The following ATP8B3 variants were observed in gnomAD, a reference collection of about 807,000 sequenced individuals.
ATP8B3 encodes ATPase phospholipid transporting 8B3.
A neutral mutation model predicts 140.9 loss-of-function variants in ATP8B3; 141 were observed. The observed-to-expected ratio is 1.00, with a 90% CI of 0.87 to 1.15. The LOEUF is 1.15. Ranked by LOEUF, ATP8B3 falls within the 50% of genes most tolerant of loss-of-function variation. ATP8B3 has a pLI of 0.00. For synonymous variants in ATP8B3, 765 were observed against 714.6 expected (o/e 1.07, Z -1.13); for missense variants, 1,874 against 1,740.6 (o/e 1.08, Z -1.36).
In ATP8B3 at chr19:1,808,243, G is replaced by A; in HGVS notation, c.495C>T (p.Phe165=). The A allele has an allele frequency of 1.9e-6, 3 of 1,612,426 alleles. No individual in the cohort carries two copies. The highest frequency in any genetic ancestry group is 2.5e-6 in the Non-Finnish European group (3 of 1,179,136). ...EQFHRVSNLF[F]LIIIILQSIP... ...TCACCTGCAGGATGATGATGATGAG[G>A]AAGAACAGGTTGGACACGCGGTGGA... The change falls in exon 5 of 29, where the codon TTC becomes TTT. Residue 165 remains phenylalanine, a synonymous_variant. Transcript: ENST00000310127.
chr19:1,809,559 G>C, intron 4 of ATP8B3, 84 bp downstream of exon 4: 4 of 1,135,904 alleles, frequency 3.5e-6, no homozygotes, highest in Non-Finnish European at 3.9e-6. Context: ...GCAGAGGCAG[G>C]ACTCAGGAGG....
chr19:1,790,048 G>T, intron 21 of ATP8B3, 59 bp from the exon 22 acceptor site: 1 of 1,349,532 alleles, frequency 7.4e-7, no homozygotes, highest in African/African-American at 1.5e-5. Flanking sequence ...CCACTTCCCC[G>T]GGGGCTCCAC....
chr19:1,802,602 G>A lies in ATP8B3; in HGVS notation c.948C>T (p.Phe316=), dbSNP rs1216398524. ...TGTCATTCCATTCCAGGCACCCCACGAAGTGGTGCATCCGACTGTTAGGCG... is the reference window on the plus strand; with the variant it reads ...TGTCATTCCATTCCAGGCACCCCACAAAGTGGTGCATCCGACTGTTAGGCG... ...CEAPNSRMHH[F]VGCLEWNDKK... is the part of the protein sequence containing the mutation. Residue 316 remains phenylalanine, a synonymous_variant, in exon 11 of 29, where the codon TTC becomes TTT. Transcript: ENST00000310127. The A allele has an allele frequency of 1.6e-5, 26 of 1,611,764 alleles. No individual in the cohort carries two copies. The highest frequency in any genetic ancestry group is 6.7e-5 in the African/African-American group (5 of 74,768).
rs1395872457 is a variant in ATP8B3 at position 1,794,502 on chromosome 19, G to T, written c.2055+1373C>A. 1.3e-5 allele frequency among the ~76,000 whole-genome samples: 2 copies of T among 151,808 alleles called. No homozygotes were observed. Among genetic ancestry groups the T allele is most frequent in the Admixed American group, 1.3e-4 (2 of 15,254 alleles). On this transcript the variant is annotated intron_variant, in intron 18 of 28. Transcript: ENST00000310127. This position sits in a 1 kb window ranked among gnomAD's most constrained non-coding sequence, Gnocchi z 4.8. ...GGGGCCCCAGCAGAACCTGTGAGGA[G>T]CCCCCAGGCTGGACGCAGAATCCTC...
chr19:1,790,629 C>G, intron 21 of ATP8B3, 128 bp downstream of exon 21: 27 of 347,350 alleles, frequency 7.8e-5, no homozygotes, highest in East Asian at 3.5e-4. Flanking sequence ...TCCTACCCTT[C>G]CCTCCCCTCT....
chr19:1,809,577 A>G, intron 4 of ATP8B3, 66 bp downstream of exon 4: 2 of 1,435,032 alleles, frequency 1.4e-6, no homozygotes, highest in Non-Finnish European at 1.9e-6. Flanking sequence ...AGGAGCAAAA[A>G]ATAGATTCCC....
In ATP8B3 at chr19:1,789,526, G is replaced by A; in HGVS notation, c.2680C>T (p.Leu894=). ...DSRARRSSEV[L]QERAFVDLAS... is the part of the protein sequence containing the mutation. ...AGGTCCACGAAGGCGCGCTCCTGCA[G>A]CACCTCGGAGCTACGGCGGGCTCTG... Residue 894 remains leucine, a synonymous_variant, in exon 23 of 29, where the codon CTG becomes TTG. Transcript: ENST00000310127. 1 of 1,598,250 alleles carries A rather than the reference G, an allele frequency of 6.3e-7. No homozygotes were observed. The highest frequency in any genetic ancestry group is 8.5e-7 in the Non-Finnish European group (1 of 1,178,834).
chr19:1,805,498 G>A lies in ATP8B3; in HGVS notation c.822-42C>T, dbSNP rs1425724100. On this transcript the variant is annotated intron_variant, in intron 9 of 28. Coordinates refer to ENST00000310127, the MANE Select transcript of ATP8B3 (RefSeq NM_138813.4). The surrounding 1 kb of genome is among the most constrained non-coding windows in gnomAD (Gnocchi z 5.2). Reference sequence around the variant, plus strand: ...GAGGGAGGTGAAAGTGGAGTTGATGGATGCTTCGAGGAGCCCCCAGACCCC... The same window carrying A: ...GAGGGAGGTGAAAGTGGAGTTGATGAATGCTTCGAGGAGCCCCCAGACCCC... The A allele has an allele frequency of 8.1e-6, 12 of 1,487,154 alleles. No homozygotes were observed. The highest frequency in any genetic ancestry group is 1.1e-5 in the Non-Finnish European group (12 of 1,088,364). 92.1% of individuals were successfully genotyped at this position (1,487,154 alleles called of 1,614,324 possible).
chr19:1,808,369 G>A, intron 4 of ATP8B3, 34 bp from the exon 5 acceptor site: 2 of 1,552,814 alleles, frequency 1.3e-6, no homozygotes, highest in East Asian at 2.3e-5. Flanking sequence ...CTGGCAGAGG[G>A]GTGCCATCCA....
rs376547009 is a variant in ATP8B3, at chr19:1,785,589, C to A, written c.3273G>T (p.Leu1091=). The A allele has an allele frequency of 2.8e-4, 458 of 1,613,116 alleles. No homozygotes were observed. The highest frequency in any genetic ancestry group is 3.8e-4 in the Non-Finnish European group (446 of 1,179,908). Residue 1091 remains leucine (L), a synonymous_variant, in exon 26 of 29, where the codon CTG becomes CTT. Transcript: ENST00000310127. ...QAIAHGVTTS[L]VNFFMTLWIS... ...TCCACAGTGTCATGAAGAAGTTGAC[C>A]AGAGAGGTGGTCACACCATGGGCGA... is the stretch of plus-strand genomic sequence containing the variant.
chr19:1,791,680 T>C, intron 20 of ATP8B3, 70 bp downstream of exon 20: 1 of 1,255,174 alleles, frequency 8.0e-7, no homozygotes, highest in Non-Finnish European at 1.1e-6. Context: ...GGTGTGAGCC[T>C]TCAAACTTCA....
intron 3 of ATP8B3, 66 bp downstream of exon 3, chr19:1,810,556 G>T (rs750768602): frequency 3.1e-4 from 463 of 1,502,260 alleles, no homozygotes; most frequent in Non-Finnish European, 3.8e-4. Context: ...GAGCCACCAC[G>T]CCTGGCCAGC....
chr19:1,785,436 CCAAGGCCCCGGGGAGGTGAGGA>C lies in ATP8B3; in HGVS notation c.3393+11_3393+32del. 6.2e-7 allele frequency: 1 copy of C among 1,605,310 alleles called. No homozygotes were observed. Among genetic ancestry groups the C allele is most frequent in the African/African-American group, 1.3e-5 (1 of 74,948 alleles). On this transcript the variant is annotated intron_variant, in intron 26 of 28. Coordinates refer to ENST00000310127, the MANE Select transcript of ATP8B3 (RefSeq NM_138813.4). Reference sequence around the variant, plus strand: ...GGGAGGAGGCCTCCATAGGCCATGTCCAAGGCCCCGGGGAGGTGAGGACCTTGCCCACCTCCATGGTGATGGA... The same window carrying C: ...GGGAGGAGGCCTCCATAGGCCATGTCCCTTGCCCACCTCCATGGTGATGGA...
At position 1,810,621 on chromosome 19, in the gene ATP8B3, C is replaced by T. The variant is rs2069161457; in HGVS notation, c.310+1G>A. On this transcript the variant is annotated splice_donor_variant, in intron 3 of 28. Transcript: ENST00000310127. LOFTEE classifies it high-confidence loss of function. ...CCGCCCCCTCTGCCCAGGATCAGCA[C>T]CTGAGTTCCTGTCCTCATCTTGGAG... 6.2e-7 allele frequency: 1 copy of T among 1,612,898 alleles called. No homozygotes were observed. The highest frequency in any genetic ancestry group is 1.7e-5 in the Admixed American group (1 of 59,922).
At chr19:1,808,097 G>T in intron 5 of ATP8B3, 125 bp downstream of exon 5, 1 of 733,194 alleles carries the variant, frequency 1.4e-6, no homozygotes, top group Non-Finnish European at 2.3e-6. Context: ...CAGGGTAGTA[G>T]GGACTCAGCG....
chr19:1,795,911 C>A lies in ATP8B3; in HGVS notation c.2019G>T (p.Arg673Ser). 1.9e-6 allele frequency: 3 copies of A among 1,613,124 alleles called. No homozygotes were observed. Among genetic ancestry groups the A allele is most frequent in the Non-Finnish European group, 2.5e-6 (3 of 1,179,816 alleles). The change falls in exon 18 of 29, where the codon AGG becomes AGT. Residue 673 changes from arginine (R) to serine (S), a missense_variant. Physicochemically the swap from Arg to Ser is moderately radical, Grantham distance 110. Around this residue, in one of 3 missense-constraint regions of ATP8B3, gnomAD observed 1,032 missense variants for 963.6 expected, o/e 1.07. Transcript: ENST00000310127. Reference protein sequence around the residue: ...DTVIFERLHRRGAMEFATEEA... With the variant: ...DTVIFERLHRSGAMEFATEEA... ...CCTCTGTGGCAAATTCCATTGCCCC[C>A]CTCCTGTGCAAGCGTTCGAAGATGA... is the stretch of plus-strand genomic sequence containing the variant.
In ATP8B3 at chr19:1,806,746, G is replaced by C; in HGVS notation, c.616-57C>G. On this transcript the variant is annotated intron_variant, in intron 6 of 28. Coordinates refer to ENST00000310127, the MANE Select transcript of ATP8B3 (RefSeq NM_138813.4). This position sits in a 1 kb window ranked among gnomAD's most constrained non-coding sequence, Gnocchi z 5.6. ...GTCCAGCCTCTCCTGCCCCCGCCCA[G>C]GCCGCTGCCGCACTGCAGCCCAGCA... 6.5e-7 allele frequency: 1 copy of C among 1,533,612 alleles called. No homozygotes were observed. Among genetic ancestry groups the C allele is most frequent in the Non-Finnish European group, 8.8e-7 (1 of 1,132,190 alleles).
chr19:1,785,681 T>C lies in ATP8B3; in HGVS notation c.3181A>G (p.Lys1061Glu), dbSNP rs932731524. ...TGCCCCACCACGTACAGCTCCGGCT[T>C]CTCCAGGCTCTGCTCTGCGCTCACG... ...QDVSAEQSLE[K>E]PELYVVGQKD... Residue 1061 changes from lysine (K) to glutamate (E), a missense_variant, in exon 26 of 29, where the codon AAG (lysine) becomes GAG (glutamate). By Grantham distance (56) the Lys-to-Glu change is moderately conservative. Around this residue, in one of 3 missense-constraint regions of ATP8B3, gnomAD observed 840 missense variants for 760.9 expected, o/e 1.10. Coordinates refer to ENST00000310127, the MANE Select transcript of ATP8B3 (RefSeq NM_138813.4). The C allele has an allele frequency of 4.7e-6, 7 of 1,494,586 alleles. No homozygotes were observed. The highest frequency in any genetic ancestry group is 6.3e-6 in the Non-Finnish European group (7 of 1,106,874). The allele number at this position is 1,494,586 out of a possible 1,614,324, so 92.6% of individuals were successfully genotyped here. A position where few individuals can be genotyped will look rare whatever the true frequency, so the allele number is the denominator to read the frequency against.
intron 10 of ATP8B3, among the ~76,000 whole-genome samples, chr19:1,803,722 C>T (rs183992762): frequency 2.6e-5 from 4 of 152,062 alleles, no homozygotes; most frequent in Admixed American, 6.5e-5. Context: ...CATGGTGAAA[C>T]CCCGTCTCTA....
Sources: gnomAD v4.1 joint callset for allele counts (sites outside exome capture counted in the v4.1 genomes callset) on GRCh38, gnomAD v4.1.1 for gene constraint, gnomAD v4.1.1 regional missense constraint, Gnocchi (gnomAD v3.1) non-coding constraint, MANE v1.5 for transcripts, NCBI Gene and HGNC (gene_info 2026-07-23, HGNC 2026-07-21) for gene names.